Variants in TBCCD1 observed in about 807,000 individuals in gnomAD.
The protein encoded by TBCCD1 is TBCC domain-containing protein 1.
TBCCD1 carries 26 observed loss-of-function variants against 53.4 expected under a neutral mutation model. The observed-to-expected ratio is 0.49, with a 90% confidence interval of 0.36 to 0.68. The LOEUF (loss-of-function observed/expected upper bound fraction) is 0.68, where lower values mean the gene tolerates loss of function less well. Among genes scored for constraint, TBCCD1 ranks in the 30% least tolerant of loss-of-function variants. The probability of loss-of-function intolerance (pLI) is 0.00; values close to 1 mark genes in which losing one functional copy is unlikely to be tolerated. For missense variants in TBCCD1, 558 were observed against 669.5 expected (o/e 0.83, Z 1.84); for synonymous variants, 245 against 241.7 (o/e 1.01, Z -0.13).
intron 2 of TBCCD1, 101 bp downstream of exon 2, chr3:186,563,893 G>T: frequency 7.3e-7 from 1 of 1,374,004 alleles, no homozygotes; most frequent in Non-Finnish European, 9.7e-7. Flanking sequence ...GTGAAACTCT[G>T]TTTCTATCTA....
upstream of TBCCD1, among the ~76,000 whole-genome samples, chr3:186,569,775 T>G (rs140545053): frequency 9.7e-4 from 148 of 152,026 alleles, no homozygotes; most frequent in African/African-American, 3.5e-3. Context: ...ATCCTGGTAA[T>G]GGAGATGTAG....
chr3:186,549,195 G>C (rs1714297735), intron 7 of TBCCD1, among the ~76,000 whole-genome samples: 1 of 152,138 alleles, frequency 6.6e-6, no homozygotes. Context: ...GGCTGAGACA[G>C]GAGAATCACT....
chr3:186,554,865 A>G (rs574033452), intron 5 of TBCCD1, 33 bp downstream of exon 5: 2 of 1,606,188 alleles, frequency 1.2e-6, no homozygotes, highest in Admixed American at 3.5e-5. Context: ...AGAAAATGTC[A>G]GAACATCAGA....
chr3:186,563,704 A>G (rs1363535867), intron 2 of TBCCD1, among the ~76,000 whole-genome samples: 1 of 152,244 alleles, frequency 6.6e-6, no homozygotes, highest in Non-Finnish European at 1.5e-5. Context: ...AACTCAAATG[A>G]TAACTTGAGA....
intron 7 of TBCCD1, among the ~76,000 whole-genome samples, chr3:186,549,050 G>A (rs1714291400): frequency 6.6e-6 from 1 of 152,098 alleles, no homozygotes; most frequent in Admixed American, 6.6e-5. Context: ...ACTTTGGGAG[G>A]CCAAGGTGGG....
At chr3:186,569,862 T>C (rs979583552), upstream of TBCCD1, among the ~76,000 whole-genome samples, 14 of 152,120 alleles carry the variant, frequency 9.2e-5, no homozygotes, top group Non-Finnish European at 1.8e-4. Context: ...ACCTAGAGCT[T>C]TGTCCTGATC....
chr3:186,564,270 C>T lies in TBCCD1; in HGVS notation c.60G>A (p.Leu20=), dbSNP rs766792676. 3 of 1,614,164 alleles carry T rather than the reference C, an allele frequency of 1.9e-6. No individual in the cohort carries two copies. The Admixed American group carries it at 5.0e-5, about 27-fold the overall frequency. Residue 20 remains leucine (L), a synonymous_variant, in exon 2 of 8, where the codon TTG becomes TTA. Transcript: ENST00000338733. ...TAAACTTGGATGGAGGGGGGACCTGCAAGGCACCCACTATAAAGGGTTCTG... is the reference window on the plus strand; with the variant it reads ...TAAACTTGGATGGAGGGGGGACCTGTAAGGCACCCACTATAAAGGGTTCTG... ...VKAEPFIVGA[L]QVPPPSKFSL...
intron 1 of TBCCD1, among the ~76,000 whole-genome samples, chr3:186,566,552 C>A (rs141953736): frequency 6.6e-6 from 1 of 152,314 alleles, no homozygotes; most frequent in Non-Finnish European, 1.5e-5. Context: ...TCCCTAAGGA[C>A]ACCTACTTAG....
intron 6 of TBCCD1, among the ~76,000 whole-genome samples, chr3:186,552,067 G>A (rs1714397237): frequency 2.0e-5 from 3 of 152,152 alleles, no homozygotes; most frequent in Admixed American, 1.3e-4. Flanking sequence ...ATAGAGCAGG[G>A]TGAAGGAATA....
chr3:186,564,608 G>A (rs1454664807), intron 1 of TBCCD1, among the ~76,000 whole-genome samples: 1 of 152,120 alleles, frequency 6.6e-6, no homozygotes, highest in East Asian at 1.9e-4. Context: ...AGAAATCCTT[G>A]TTTTAGGAAG....
chr3:186,551,987 C>T (rs746186167), intron 6 of TBCCD1, among the ~76,000 whole-genome samples: 3 of 151,858 alleles, frequency 2.0e-5, no homozygotes, highest in African/African-American at 4.8e-5. Flanking sequence ...AAAATAAATA[C>T]AGTACAATAC....
chr3:186,554,224 C>T, intron 6 of TBCCD1, 30 bp downstream of exon 6: 1 of 1,603,390 alleles, frequency 6.2e-7, no homozygotes, highest in Non-Finnish European at 8.5e-7. Context: ...TCACAAAAAA[C>T]ACAAACTGTT....
At chr3:186,548,681 T>C (rs1400871333) in intron 7 of TBCCD1, among the ~76,000 whole-genome samples, 1 of 152,192 alleles carries the variant, frequency 6.6e-6, no homozygotes, top group African/African-American at 2.4e-5. Context: ...ATACACTGCA[T>C]TTGGGGTGTT....
chr3:186,565,700 ATGT>A (rs1355090165), intron 1 of TBCCD1, among the ~76,000 whole-genome samples: 7 of 152,298 alleles, frequency 4.6e-5, no homozygotes, highest in East Asian at 1.9e-4. Context: ...AAAAGTTCAA[ATGT>A]TGTCACAAGT....
At chr3:186,564,859 C>T (rs964731749) in intron 1 of TBCCD1, among the ~76,000 whole-genome samples, 1 of 152,164 alleles carries the variant, frequency 6.6e-6, no homozygotes, top group Non-Finnish European at 1.5e-5. Flanking sequence ...GGCAAGAATG[C>T]TAATGTAAAT....
At chr3:186,563,966 T>C (rs781195017) in intron 2 of TBCCD1, 28 bp downstream of exon 2, 1 of 1,518,206 alleles carries the variant, frequency 6.6e-7, no homozygotes, top group Non-Finnish European at 8.8e-7. Context: ...CCAAAAGTAA[T>C]TAAGTATACA....
chr3:186,563,702 T>C (rs1714745716), intron 2 of TBCCD1, among the ~76,000 whole-genome samples: 1 of 152,198 alleles, frequency 6.6e-6, no homozygotes, highest in Admixed American at 6.5e-5. Context: ...AAAACTCAAA[T>C]GATAACTTGA....
chr3:186,566,041 CTTTT>C (rs1178917141), intron 1 of TBCCD1, among the ~76,000 whole-genome samples: 1 of 144,708 alleles, frequency 6.9e-6, no homozygotes, highest in Non-Finnish European at 1.5e-5. Flanking sequence ...GTGCTTCTCT[CTTTT>C]TTTTTTTTTT....
intron 3 of TBCCD1, 26 bp downstream of exon 3, chr3:186,558,391 G>A (rs758509816): frequency 1.9e-6 from 3 of 1,601,082 alleles, no homozygotes; most frequent in African/African-American, 1.3e-5. Context: ...CCCTTTTAGA[G>A]AATGAGATCA....
Sources: gnomAD v4.1 joint callset for allele counts (sites outside exome capture counted in the v4.1 genomes callset) on GRCh38, gnomAD v4.1.1 for gene constraint, MANE v1.5 for transcripts, NCBI Gene and HGNC (gene_info 2026-07-23, HGNC 2026-07-21) for gene names.